Variants in MAP3K3 observed in about 807,000 individuals in gnomAD.
MAP3K3 encodes mitogen-activated protein kinase kinase kinase 3, also known as MAP/ERK kinase kinase 3.
A neutral mutation model predicts 80.9 loss-of-function variants in MAP3K3; 12 were observed. The observed-to-expected ratio is 0.15, with a 90% CI of 0.10 to 0.24. The LOEUF is 0.24. Ranked by LOEUF, MAP3K3 falls within the 10% of genes least tolerant of loss-of-function variation. MAP3K3 has a pLI of 1.00. For synonymous variants in MAP3K3, 272 were observed against 307.1 expected (o/e 0.89, Z 1.19); for missense variants, 596 against 834.7 (o/e 0.71, Z 3.52).
rs2035546865 is a variant in MAP3K3, at chr17:63,689,834, G to C, written c.1063+99G>C. 1 of 1,259,622 alleles carries C rather than the reference G, an allele frequency of 7.9e-7. No individual in the cohort carries two copies. The allele number at this position is 1,259,622 out of a possible 1,614,324, so 78.0% of individuals were successfully genotyped here. A position where few individuals can be genotyped will look rare whatever the true frequency, so the allele number is the denominator to read the frequency against. On this transcript the variant is annotated intron_variant, in intron 11 of 15. Transcript: ENST00000361733. This position sits in a 1 kb window ranked among gnomAD's most constrained non-coding sequence, Gnocchi z 4.3. ...CCCCTGGGACCCTTAGGCTCAGCAG[G>C]TGGTGGCTTTGGCCCAAATGCACCA...
chr17:63,659,617 C>T (rs373235108), intron 5 of MAP3K3, among the ~76,000 whole-genome samples: 32 of 149,530 alleles, frequency 2.1e-4, no homozygotes, highest in African/African-American at 7.9e-4. Flanking sequence ...ACTGCAACCT[C>T]CACCTCCCGG....
chr17:63,667,251 C>A (rs2035018859), intron 6 of MAP3K3, among the ~76,000 whole-genome samples, 191 bp downstream of exon 6: 1 of 152,172 alleles, frequency 6.6e-6, no homozygotes, highest in African/African-American at 2.4e-5. Flanking sequence ...TCCTGACTCT[C>A]AAGGAACTTA....
chr17:63,630,875 A>G (rs949710352), intron 1 of MAP3K3, among the ~76,000 whole-genome samples: 3 of 152,108 alleles, frequency 2.0e-5, no homozygotes, highest in Non-Finnish European at 4.4e-5. Flanking sequence ...TTTAAATCTA[A>G]TTTTACTTTC....
chr17:63,685,716 T>G, intron 8 of MAP3K3, 126 bp downstream of exon 8: 1 of 739,964 alleles, frequency 1.4e-6, no homozygotes, highest in South Asian at 1.5e-5. Context: ...AGCCTTCTCC[T>G]TAATTTCCCC....
Position 63,689,726 on chromosome 17 carries a change from C to T in MAP3K3, c.1054C>T (p.Pro352Ser). 6.2e-7 allele frequency: 1 copy of T among 1,612,134 alleles called. No homozygotes were observed. The highest frequency in any genetic ancestry group is 1.1e-5 in the South Asian group (1 of 90,796). ...CCTCTCTGTGCAGGAGAGGAATGTG[C>T]CAACCAAGTGTGAGGAGCTGTCCCT... ...NALSVQERNVPTKSPSAPINW... is the reference protein window; with the variant it reads ...NALSVQERNVSTKSPSAPINW... Residue 352 changes from proline to serine, a missense_variant, in exon 11 of 16, where the codon CCA (proline) becomes TCA (serine). Physicochemically the swap from Pro to Ser is moderately conservative, Grantham distance 74 (BLOSUM62 -1). This residue lies in a region of MAP3K3 where 364 missense variants were observed against 588.9 expected (regional missense o/e 0.62). Transcript: ENST00000361733. The surrounding 1 kb of genome is among the most constrained non-coding windows in gnomAD (Gnocchi z 4.3).
At chr17:63,623,211 C>T (rs1280725484) in intron 1 of MAP3K3, among the ~76,000 whole-genome samples, 1 of 152,132 alleles carries the variant, frequency 6.6e-6, no homozygotes, top group Non-Finnish European at 1.5e-5. Context: ...TCATTTCCTT[C>T]CCTTTGCTCA....
Position 63,692,333 on chromosome 17 carries a change from G to A in MAP3K3, c.1566G>A (p.Thr522=), listed in dbSNP as rs749692883. 17 of 1,613,816 alleles carry A rather than the reference G, an allele frequency of 1.1e-5. No individual in the cohort carries two copies. In the East Asian group the frequency reaches 1.6e-4, roughly 15 times the overall value. ...KRLQTICMSG[T]GMRSVTGTPY... The stretch of plus-strand genomic sequence containing the variant: ...TGCAGACGATCTGTATGTCGGGGAC[G>A]GGCATGCGCTCCGTCACTGGCACAC... The change falls in exon 15 of 16, where the codon ACG becomes ACA. Residue 522 remains threonine, a synonymous_variant. Transcript: ENST00000361733. This position sits in a 1 kb window ranked among gnomAD's most constrained non-coding sequence, Gnocchi z 4.5.
In MAP3K3 at chr17:63,688,733, C is replaced by T. The variant is rs1216626193; in HGVS notation, c.779-56C>T. The stretch of plus-strand genomic sequence containing the variant: ...CTCAGGTGCCTTGGGGACTTGGGGG[C>T]TTAAGTGGCTCACATTGACCTACCC... On this transcript the variant is annotated intron_variant, in intron 9 of 15. Transcript: ENST00000361733. 2.8e-6 allele frequency: 4 copies of T among 1,431,322 alleles called. No individual in the cohort carries two copies. In the African/African-American group the frequency reaches 5.6e-5, roughly 20 times the overall value. The allele number at this position is 1,431,322 out of a possible 1,614,324, so 88.7% of individuals were successfully genotyped here.
rs761320750 is a variant in MAP3K3, at chr17:63,688,886, GTTC to G, written c.871+12_871+14del. Reference sequence around the variant, plus strand: ...ACCACAAGGACTACAGTGATGGTGAGTTCTTCTTCACCTGCTCCCTGCTGGCTG... The same window carrying G: ...ACCACAAGGACTACAGTGATGGTGAGTTCTTCACCTGCTCCCTGCTGGCTG... On this transcript the variant is annotated splice_donor_region_variant and intron_variant, in intron 10 of 15. Transcript: ENST00000361733. 8.1e-6 allele frequency: 13 copies of G among 1,608,460 alleles called. No homozygotes were observed. The highest frequency in any genetic ancestry group is 2.2e-5 in the East Asian group (1 of 44,856).
chr17:63,640,792 C>T (rs1207227642), intron 2 of MAP3K3, among the ~76,000 whole-genome samples: 3 of 152,182 alleles, frequency 2.0e-5, no homozygotes, highest in African/African-American at 7.2e-5. Flanking sequence ...CTCCTCTGTC[C>T]TAGGACATGT....
Position 63,622,744 on chromosome 17 carries a change from C to T in MAP3K3, c.-16C>T. 1.9e-6 allele frequency: 1 copy of T among 521,548 alleles called. No homozygotes were observed. Among genetic ancestry groups the T allele is most frequent in the Non-Finnish European group, 3.7e-6 (1 of 271,072 alleles). 32.3% of individuals were successfully genotyped at this position (521,548 alleles called of 1,614,324 possible). A position where few individuals can be genotyped will look rare whatever the true frequency, so the allele number is the denominator to read the frequency against. On this transcript the variant is annotated 5_prime_UTR_variant, in exon 1 of 16. Coordinates refer to ENST00000361733, the MANE Select transcript of MAP3K3 (RefSeq NM_002401.5). Reference sequence around the variant, plus strand: ...GACACTCACGGACCTTAGCCACCGCCGCCGCCATCGCCACCATGGGTAAGT... The same window carrying T: ...GACACTCACGGACCTTAGCCACCGCTGCCGCCATCGCCACCATGGGTAAGT...
chr17:63,635,921 TGAAA>T (rs147189918), intron 2 of MAP3K3, among the ~76,000 whole-genome samples: 263 of 152,290 alleles, frequency 1.7e-3, no homozygotes, highest in African/African-American at 6.1e-3. Flanking sequence ...GAGTCCCAGT[TGAAA>T]GAAGCTAAGC....
chr17:63,690,562 G>GTCCTTTCACCCTGT, intron 12 of MAP3K3, 150 bp downstream of exon 12: 5 of 838,428 alleles, frequency 6.0e-6, no homozygotes, highest in Non-Finnish European at 9.2e-6. Context: ...CCCAGCCACA[G>GTCCTTTCACCCTGT]GGTGAAAGGA....
intron 1 of MAP3K3, among the ~76,000 whole-genome samples, chr17:63,624,768 C>T (rs933892184): frequency 6.6e-6 from 1 of 152,224 alleles, no homozygotes; most frequent in African/African-American, 2.4e-5. Context: ...CACTTTCCCC[C>T]ATACAATTCT....
At chr17:63,687,642 A>T (rs895272725) in intron 8 of MAP3K3, among the ~76,000 whole-genome samples, 5 of 150,870 alleles carry the variant, frequency 3.3e-5, no homozygotes, top group Non-Finnish European at 7.4e-5. Flanking sequence ...GTGAGCCAAG[A>T]TCATGCCACT....
In MAP3K3 at chr17:63,691,113, T is replaced by C; in HGVS notation, c.1224T>C (p.Ala408=). 5 of 1,614,076 alleles carry C rather than the reference T, an allele frequency of 3.1e-6. No individual in the cohort carries two copies. The highest frequency in any genetic ancestry group is 4.2e-6 in the Non-Finnish European group (5 of 1,179,986). ...DSPETSKEVS[A]LECEIQLLKN... is the part of the protein sequence containing the mutation. Reference sequence around the variant, plus strand: ...GACCCCTCCCCTAGGAGGTGAGTGCTCTGGAGTGCGAGATCCAGTTGCTAA... The same window carrying C: ...GACCCCTCCCCTAGGAGGTGAGTGCCCTGGAGTGCGAGATCCAGTTGCTAA... Residue 408 remains alanine (A), a synonymous_variant, in exon 13 of 16, where the codon GCT becomes GCC. Coordinates refer to ENST00000361733, the MANE Select transcript of MAP3K3 (RefSeq NM_002401.5). This position sits in a 1 kb window ranked among gnomAD's most constrained non-coding sequence, Gnocchi z 4.8.
chr17:63,659,339 T>C (rs2034837127), intron 5 of MAP3K3, among the ~76,000 whole-genome samples: 2 of 152,170 alleles, frequency 1.3e-5, no homozygotes, highest in Admixed American at 1.3e-4. Flanking sequence ...GTAACAATGG[T>C]AATGTTTGGT....
intron 2 of MAP3K3, among the ~76,000 whole-genome samples, chr17:63,638,471 T>A (rs1289587162): frequency 6.6e-6 from 1 of 152,234 alleles, no homozygotes; most frequent in Non-Finnish European, 1.5e-5. Flanking sequence ...CATGTTCAGC[T>A]GTTGAGTCCA....
chr17:63,632,065 T>G (rs2034227339), intron 1 of MAP3K3, among the ~76,000 whole-genome samples: 1 of 152,210 alleles, frequency 6.6e-6, no homozygotes, highest in Admixed American at 6.5e-5. Context: ...GTTCTTCACT[T>G]CAATTTTTCA....
Sources: allele counts gnomAD v4.1 joint callset (sites outside exome capture counted in the v4.1 genomes callset), GRCh38; gene constraint gnomAD v4.1.1; regional missense constraint gnomAD v4.1.1; non-coding constraint Gnocchi (gnomAD v3.1); transcripts MANE v1.5; gene names NCBI Gene and HGNC (gene_info 2026-07-23, HGNC 2026-07-21).